Variants in LOC128462377 observed in about 807,000 individuals in gnomAD.
the LOC128462377 span, among the ~76,000 whole-genome samples, chr16:89,349,825 A>G: frequency 6.6e-6 from 1 of 151,384 alleles, no homozygotes; most frequent in Non-Finnish European, 1.5e-5. Flanking sequence ...TAAAGACACT[A>G]TTAAGAAATA....
chr16:89,330,439 G>A, the LOC128462377 span, among the ~76,000 whole-genome samples: 22 of 152,252 alleles, frequency 1.4e-4, no homozygotes, highest in African/African-American at 5.3e-4. Flanking sequence ...TCTGGCAGAA[G>A]GCCCAAATTC....
At chr16:89,375,768 TAAAAAAAAAA>T in the LOC128462377 span, among the ~76,000 whole-genome samples, 185 of 84,564 alleles carry the variant, frequency 2.2e-3, 1 homozygote, top group Non-Finnish European at 2.1e-3. Context: ...CTCCGTCTCT[TAAAAAAAAAA>T]AAAAAAAAAA....
At chr16:89,371,706 AG>A in the LOC128462377 span, among the ~76,000 whole-genome samples, 1 of 151,958 alleles carries the variant, frequency 6.6e-6, no homozygotes, top group South Asian at 2.1e-4. Flanking sequence ...TGGATATGAG[AG>A]GTGGTCTCGG....
chr16:89,346,542 A>G, the LOC128462377 span, among the ~76,000 whole-genome samples: 2 of 152,244 alleles, frequency 1.3e-5, no homozygotes, highest in South Asian at 4.1e-4. Context: ...AAAAACTGTG[A>G]GAGTCACCTT....
At chr16:89,417,496 T>C in the LOC128462377 span, among the ~76,000 whole-genome samples, 3 of 152,062 alleles carry the variant, frequency 2.0e-5, no homozygotes, top group Non-Finnish European at 4.4e-5. Flanking sequence ...AAGGCCAAAG[T>C]CTTTTTGGAG....
chr16:89,336,398 C>G, the LOC128462377 span, among the ~76,000 whole-genome samples: 1 of 152,224 alleles, frequency 6.6e-6, no homozygotes, highest in African/African-American at 2.4e-5. Flanking sequence ...ATTCAAAGAC[C>G]CAGGAAGGAA....
chr16:89,350,102 C>T, the LOC128462377 span, among the ~76,000 whole-genome samples: 2 of 152,160 alleles, frequency 1.3e-5, no homozygotes, highest in Non-Finnish European at 2.9e-5. Flanking sequence ...AAAAGACAAG[C>T]AACATCATTT....
the LOC128462377 span, among the ~76,000 whole-genome samples, chr16:89,353,895 C>T: frequency 1.3e-5 from 2 of 152,246 alleles, no homozygotes; most frequent in Non-Finnish European, 2.9e-5. Context: ...TGCAGCCTCT[C>T]ATGCAGGGAG....
chr16:89,356,037 C>T, the LOC128462377 span, among the ~76,000 whole-genome samples: 1 of 152,210 alleles, frequency 6.6e-6, no homozygotes, highest in South Asian at 2.1e-4. Context: ...GCCCAGATAG[C>T]GCCCCTGCAC....
At chr16:89,399,515 G>T in the LOC128462377 span, among the ~76,000 whole-genome samples, 2 of 152,288 alleles carry the variant, frequency 1.3e-5, no homozygotes, top group African/African-American at 4.8e-5. Context: ...AGGGAGGGAC[G>T]GAGGGATGTG....
the LOC128462377 span, among the ~76,000 whole-genome samples, chr16:89,332,450 G>A: frequency 3.3e-5 from 5 of 152,270 alleles, no homozygotes; most frequent in Admixed American, 6.5e-5. Flanking sequence ...GGCAGCACCT[G>A]TACCCGCAGC....
chr16:89,363,710 CA>C, the LOC128462377 span, among the ~76,000 whole-genome samples: 40 of 152,282 alleles, frequency 2.6e-4, no homozygotes, highest in East Asian at 7.5e-3. Flanking sequence ...GTGAAACAAA[CA>C]CACTCTCTGT....
the LOC128462377 span, among the ~76,000 whole-genome samples, chr16:89,361,096 T>A: frequency 6.6e-6 from 1 of 152,288 alleles, no homozygotes; most frequent in Admixed American, 6.5e-5. Context: ...CCTACTCTCA[T>A]TGTGGAAACC....
the LOC128462377 span, among the ~76,000 whole-genome samples, chr16:89,344,213 T>C: frequency 3.3e-5 from 5 of 152,152 alleles, no homozygotes; most frequent in African/African-American, 7.2e-5. Context: ...CACTAGGGCT[T>C]AACGATCCAT....
At chr16:89,318,904 C>A in the LOC128462377 span, among the ~76,000 whole-genome samples, 1 of 152,194 alleles carries the variant, frequency 6.6e-6, no homozygotes. Context: ...GACATATTTT[C>A]TCTCTCTACC....
chr16:89,406,397 G>A, the LOC128462377 span, among the ~76,000 whole-genome samples: 5 of 152,174 alleles, frequency 3.3e-5, no homozygotes, highest in Admixed American at 6.5e-5. Flanking sequence ...AACACCAGCC[G>A]GCGCGCTCTG....
chr16:89,347,862 G>A, the LOC128462377 span, among the ~76,000 whole-genome samples: 1 of 151,974 alleles, frequency 6.6e-6, no homozygotes, highest in African/African-American at 2.4e-5. Flanking sequence ...TTCTCAGAAC[G>A]TCCTCCATCA....
chr16:89,343,211 G>A, the LOC128462377 span, among the ~76,000 whole-genome samples: 2 of 152,068 alleles, frequency 1.3e-5, no homozygotes, highest in South Asian at 2.1e-4. Flanking sequence ...GGCTGGTCTC[G>A]AACTCCTGAC....
chr16:89,364,680 G>A, the LOC128462377 span, among the ~76,000 whole-genome samples: 7 of 152,298 alleles, frequency 4.6e-5, no homozygotes, highest in East Asian at 1.9e-4. Flanking sequence ...ATCTCATAAC[G>A]TTTACAAATT....
Sources: gnomAD v4.1 joint callset for allele counts (sites outside exome capture counted in the v4.1 genomes callset) on GRCh38, gnomAD v4.1.1 for gene constraint, MANE v1.5 for transcripts.